SLC7A13: variants seen among roughly 807,000 people sequenced by gnomAD.
The protein encoded by SLC7A13 is solute carrier family 7 member 13.
Under a neutral mutation model 32.0 loss-of-function variants are expected in SLC7A13, and 31 were observed. The ratio of observed to expected loss-of-function variants is 0.97; its 90% CI spans 0.73 to 1.31. The LOEUF (loss-of-function observed/expected upper bound fraction) is 1.31. Ranked by LOEUF, SLC7A13 falls within the 50% of genes most tolerant of loss-of-function variation. The pLI is 0.00. For missense variants in SLC7A13, 633 were observed against 546.9 expected (o/e 1.16, Z -1.57); for synonymous variants, 232 against 206.9 (o/e 1.12, Z -1.04).
chr8:86,226,078 T>C (rs1243392469), intron 1 of SLC7A13, among the ~76,000 whole-genome samples: 1 of 152,182 alleles, frequency 6.6e-6, no homozygotes, highest in Non-Finnish European at 1.5e-5. Flanking sequence ...CTCCAACTTT[T>C]GTTCACCACT....
Position 86,217,720 on chromosome 8 carries a change from G to A in SLC7A13, c.929C>T (p.Ser310Leu). 1 of 1,613,312 alleles carries A rather than the reference G, an allele frequency of 6.2e-7. No individual in the cohort carries two copies. Among genetic ancestry groups the A allele is most frequent in the Non-Finnish European group, 8.5e-7 (1 of 1,179,612 alleles). ...FSNLLISIFK[S>L]SRPIYLASQE... Reference sequence around the variant, plus strand: ...GCTTGCAAGATATATTGGTCTCGATGATTTAAATATAGAAATCAGAAGGTT... The same window carrying A: ...GCTTGCAAGATATATTGGTCTCGATAATTTAAATATAGAAATCAGAAGGTT... Residue 310 changes from serine to leucine, a missense_variant, in exon 3 of 4, where the codon TCA becomes TTA. Transcript: ENST00000297524.
intron 2 of SLC7A13, 152 bp from the exon 3 acceptor site, chr8:86,217,983 C>T: frequency 3.7e-6 from 3 of 819,352 alleles, no homozygotes; most frequent in East Asian, 2.8e-5. Flanking sequence ...CTTAGTTACA[C>T]CTACATAACA....
At chr8:86,215,909 G>A (rs1586142009) in intron 3 of SLC7A13, among the ~76,000 whole-genome samples, 1 of 152,122 alleles carries the variant, frequency 6.6e-6, no homozygotes, top group East Asian at 1.9e-4. Flanking sequence ...AATAATATAA[G>A]CAATAATAGC....
rs1333591242 is a variant in SLC7A13, at chr8:86,230,045, C to T, written c.233G>A (p.Gly78Glu). ...AEISISFPCS[G>E]AQYYFLKRYF... ...TCTCTTGAGAAAATAGTATTGAGCTCCACTGCATGGGAAGCTTATACTTAT... is the reference window on the plus strand; with the variant it reads ...TCTCTTGAGAAAATAGTATTGAGCTTCACTGCATGGGAAGCTTATACTTAT... The change falls in exon 1 of 4, where the codon GGA (glycine) becomes GAA (glutamate). Residue 78 changes from glycine to glutamate, a missense_variant. Gly to Glu is a moderately conservative substitution (Grantham distance 98, BLOSUM62 -2). Coordinates refer to ENST00000297524, the MANE Select transcript of SLC7A13 (RefSeq NM_138817.3). 4 of 1,614,010 alleles carry T rather than the reference C, an allele frequency of 2.5e-6. No homozygotes were observed. The African/African-American group carries it at 5.3e-5, about 22-fold the overall frequency.
Position 86,220,283 on chromosome 8 carries a change from C to A in SLC7A13, c.818-2452G>T, listed in dbSNP as rs536184000. Among the ~76,000 whole-genome samples, 162 of 152,168 alleles carry A rather than the reference C, an allele frequency of 1.1e-3. 1 individual carries two copies. Among genetic ancestry groups the A allele is most frequent in the African/African-American group, 3.7e-3 (153 of 41,526 alleles). ...ACCCCTGTCAGCAGTGTGTGGCAGA[C>A]CTTTAGGAACAATGAAATCCTCAGT... On this transcript the variant is annotated intron_variant, in intron 2 of 3. Transcript: ENST00000297524.
intron 1 of SLC7A13, among the ~76,000 whole-genome samples, chr8:86,227,771 ATC>A (rs1329016043): frequency 6.6e-6 from 1 of 152,180 alleles, no homozygotes; most frequent in African/African-American, 2.4e-5. Context: ...AAAGAATGAG[ATC>A]ATGTCTTTTC....
intron 3 of SLC7A13, among the ~76,000 whole-genome samples, chr8:86,216,244 G>A (rs1820178870): frequency 6.6e-6 from 1 of 152,190 alleles, no homozygotes; most frequent in Non-Finnish European, 1.5e-5. Context: ...TGCAGCATGT[G>A]AAACTATACA....
rs74950068 is a variant in SLC7A13, at chr8:86,224,470, C to G, written c.686-1367G>C. On this transcript the variant is annotated intron_variant, in intron 1 of 3. Coordinates refer to ENST00000297524, the MANE Select transcript of SLC7A13 (RefSeq NM_138817.3). Reference sequence around the variant, plus strand: ...AGTTAAAGAGCCCATCATAAATTATCTCTTCCTGTATGCTCTTGACCATTC... The same window carrying G: ...AGTTAAAGAGCCCATCATAAATTATGTCTTCCTGTATGCTCTTGACCATTC... Among the ~76,000 whole-genome samples the G allele has an allele frequency of 1.1e-3, 162 of 152,276 alleles. 1 individual carries two copies. The highest frequency in any genetic ancestry group is 3.7e-3 in the African/African-American group (153 of 41,548).
chr8:86,218,250 A>G (rs1820228310), intron 2 of SLC7A13, among the ~76,000 whole-genome samples: 1 of 152,194 alleles, frequency 6.6e-6, no homozygotes, highest in Admixed American at 6.6e-5. Flanking sequence ...TGATAGTTAC[A>G]TTCAGAGTCC....
intron 3 of SLC7A13, among the ~76,000 whole-genome samples, chr8:86,215,156 C>T (rs1820158285): frequency 6.6e-6 from 1 of 151,968 alleles, no homozygotes; most frequent in South Asian, 2.1e-4. Context: ...AAACAATTTT[C>T]CCTGTTTTAT....
rs184636091 is a variant in SLC7A13 at position 86,221,349 on chromosome 8, T to G, written c.817+1623A>C. On this transcript the variant is annotated intron_variant, in intron 2 of 3. Coordinates refer to ENST00000297524, the MANE Select transcript of SLC7A13 (RefSeq NM_138817.3). ...GTTTTTAATTTTTTGCTATCATACA[T>G]AAAGCTATGATTACTATACCTATAC... is the stretch of plus-strand genomic sequence containing the variant. Among the ~76,000 whole-genome samples the G allele has an allele frequency of 1.1e-3, 162 of 152,322 alleles. 1 individual carries two copies. Among genetic ancestry groups the G allele is most frequent in the African/African-American group, 3.7e-3 (153 of 41,582 alleles).
At chr8:86,229,221 C>T (rs953039604) in intron 1 of SLC7A13, among the ~76,000 whole-genome samples, 1 of 151,570 alleles carries the variant, frequency 6.6e-6, no homozygotes, top group Non-Finnish European at 1.5e-5. Flanking sequence ...TCATACCTAC[C>T]TACAACACAA....
chr8:86,219,397 GT>G (rs1470747147), intron 2 of SLC7A13, among the ~76,000 whole-genome samples: 1 of 152,086 alleles, frequency 6.6e-6, no homozygotes, highest in Non-Finnish European at 1.5e-5. Flanking sequence ...CACAAGGGAT[GT>G]TTTTTCTTTG....
chr8:86,228,063 T>C (rs554711048), intron 1 of SLC7A13, among the ~76,000 whole-genome samples: 4 of 152,254 alleles, frequency 2.6e-5, no homozygotes, highest in African/African-American at 9.6e-5. Flanking sequence ...GTAACAAACC[T>C]GTACATGATC....
chr8:86,229,674 G>C lies in SLC7A13; in HGVS notation c.604C>G (p.Pro202Ala). ...RFQNAFDAEL[P>A]DISHLIQAIF... ...GCTTGTATAAGGTGAGAGATATCTG[G>C]AAGTTCAGCATCAAAAGCATTCTGA... is the stretch of plus-strand genomic sequence containing the variant. Residue 202 changes from proline (P) to alanine (A), a missense_variant, in exon 1 of 4, where the codon CCA (proline) becomes GCA (alanine). Coordinates refer to ENST00000297524, the MANE Select transcript of SLC7A13 (RefSeq NM_138817.3). 6.2e-7 allele frequency: 1 copy of C among 1,614,146 alleles called. No homozygotes were observed. The highest frequency in any genetic ancestry group is 8.5e-7 in the Non-Finnish European group (1 of 1,180,028).
In SLC7A13 at chr8:86,229,815, C is replaced by T. The variant is rs1563593001; in HGVS notation, c.463G>A (p.Glu155Lys). ...VGILTSRGVK[E>K]VTWLQIASSV... is the part of the protein sequence containing the mutation. ...CTAGCTATCTGAAGCCAAGTCACTT[C>T]TTTCACACCACGAGAAGTCAGAATT... The change falls in exon 1 of 4, where the codon GAA becomes AAA. Residue 155 changes from glutamate (E) to lysine (K), a missense_variant. By Grantham distance (56) the Glu-to-Lys change is moderately conservative. Transcript: ENST00000297524. 2 of 1,614,186 alleles carry T rather than the reference C, an allele frequency of 1.2e-6. No homozygotes were observed. The highest frequency in any genetic ancestry group is 1.7e-5 in the Admixed American group (1 of 60,022).
At chr8:86,223,960 G>A (rs1018723960) in intron 1 of SLC7A13, among the ~76,000 whole-genome samples, 1 of 152,110 alleles carries the variant, frequency 6.6e-6, no homozygotes, top group Non-Finnish European at 1.5e-5. Flanking sequence ...CATAAGTCCT[G>A]TACCATTTGA....
At position 86,229,905 on chromosome 8, in the gene SLC7A13, G is replaced by GA. The variant is rs761897892; in HGVS notation, c.372dup (p.Pro125SerfsTer10). The GA allele has an allele frequency of 2.5e-6, 4 of 1,613,774 alleles. No individual in the cohort carries two copies. The highest frequency in any genetic ancestry group is 2.7e-5 in the African/African-American group (2 of 74,864). ...GGCAGCTTTGGGACAGAGCAGCTGG[G>GA]AAAAAAAGGCTGGATGCTGTACTCA... is the stretch of plus-strand genomic sequence containing the variant. On this transcript the variant is annotated frameshift_variant, in exon 1 of 4. Coordinates refer to ENST00000297524, the MANE Select transcript of SLC7A13 (RefSeq NM_138817.3). LOFTEE classifies it high-confidence loss of function.
At chr8:86,215,854 T>C (rs1427066707) in intron 3 of SLC7A13, among the ~76,000 whole-genome samples, 2 of 152,156 alleles carry the variant, frequency 1.3e-5, no homozygotes, top group African/African-American at 4.8e-5. Flanking sequence ...CACTTGTACT[T>C]AAGGCTGCCC....
Sources: allele counts gnomAD v4.1 joint callset (sites outside exome capture counted in the v4.1 genomes callset), GRCh38; gene constraint gnomAD v4.1.1; transcripts MANE v1.5; gene names NCBI Gene and HGNC (gene_info 2026-07-23, HGNC 2026-07-21).